VPS26A: variants seen among roughly 807,000 people sequenced by gnomAD.
VPS26A encodes vacuolar protein sorting-associated protein 26A.
In VPS26A, 22 loss-of-function variants were observed where a neutral mutation model predicts 42.4. The observed-to-expected ratio is 0.52, with a 90% CI of 0.37 to 0.74. The LOEUF is 0.74. Among genes scored for constraint, VPS26A ranks in the 30% least tolerant of loss-of-function variants. VPS26A has a pLI of 0.00. For synonymous variants in VPS26A, 110 were observed against 123.5 expected, an observed-to-expected ratio of 0.89 and a Z score of 0.73; for missense variants, 276 against 379.2, an observed-to-expected ratio of 0.73 and a Z score of 2.26.
chr10:69,128,406 T>G (rs1474895384), intron 1 of VPS26A, among the ~76,000 whole-genome samples: 1 of 151,906 alleles, frequency 6.6e-6, no homozygotes, highest in African/African-American at 2.4e-5. Context: ...AAATTTGTTC[T>G]GTTTTTGTAG....
rs181834858 is a variant in VPS26A, at chr10:69,167,041, C to T, written c.727+931C>T. Among the ~76,000 whole-genome samples, 1,049 of 148,372 alleles carry T rather than the reference C, an allele frequency of 7.1e-3. 10 individuals carry two copies. The highest frequency in any genetic ancestry group is 0.025 in the African/African-American group (993 of 40,132). On this transcript the variant is annotated intron_variant, in intron 7 of 8. Transcript: ENST00000263559. ...ACTTGGGAAGCTGAGGCAGGAGAATCGCTTGAACCTGGGAGGCGGAGGTTG... is the reference window on the plus strand; with the variant it reads ...ACTTGGGAAGCTGAGGCAGGAGAATTGCTTGAACCTGGGAGGCGGAGGTTG...
chr10:69,136,039 T>G (rs940064759), intron 2 of VPS26A, among the ~76,000 whole-genome samples: 3 of 152,204 alleles, frequency 2.0e-5, no homozygotes, highest in South Asian at 4.1e-4. Flanking sequence ...TCTTCATACC[T>G]TTCTTTAACT....
In VPS26A at chr10:69,171,469, G is replaced by T; in HGVS notation, c.*200G>T. On this transcript the variant is annotated 3_prime_UTR_variant, in exon 9 of 9. Transcript: ENST00000263559. ...TTCATGTATATACATTTTTAAAAGT[G>T]CTTTCTTTGAAACACTGGAACTTTG... The T allele has an allele frequency of 2.2e-5, 9 of 407,868 alleles. No individual in the cohort carries two copies. Among genetic ancestry groups the T allele is most frequent in the South Asian group, 4.8e-5 (1 of 20,870 alleles). The allele number at this position is 407,868 out of a possible 1,614,324, so 25.3% of individuals were successfully genotyped here. A position where few individuals can be genotyped will look rare whatever the true frequency, so the allele number is the denominator to read the frequency against.
intron 2 of VPS26A, among the ~76,000 whole-genome samples, chr10:69,150,753 C>T (rs1841285788): frequency 6.6e-6 from 1 of 152,096 alleles, no homozygotes; most frequent in Non-Finnish European, 1.5e-5. Flanking sequence ...AATGGAGCAT[C>T]ATGTCTCCAA....
intron 2 of VPS26A, among the ~76,000 whole-genome samples, chr10:69,153,138 C>A (rs184726903): frequency 6.6e-6 from 1 of 150,534 alleles, no homozygotes; most frequent in African/African-American, 2.4e-5. Context: ...CAACCTCCGC[C>A]CCCCGGGTTC....
In VPS26A at chr10:69,166,028, CAT is replaced by C. The variant is rs769197861; in HGVS notation, c.659-13_659-12del. 13 of 1,604,988 alleles carry C rather than the reference CAT, an allele frequency of 8.1e-6. No individual in the cohort carries two copies. The highest frequency in any genetic ancestry group is 1.0e-5 in the Non-Finnish European group (12 of 1,173,602). ...GGAATATTTAAATTAATGTTATTTA[CAT>C]TATTGCACTAGGACCCAGTACCACA... is the stretch of plus-strand genomic sequence containing the variant. On this transcript the variant is annotated splice_polypyrimidine_tract_variant and intron_variant, in intron 6 of 8. Coordinates refer to ENST00000263559, the MANE Select transcript of VPS26A (RefSeq NM_004896.5).
chr10:69,172,610 T>TGG lies in VPS26A; in HGVS notation c.*1341_*1342insGG, dbSNP rs758447308. 0.011 allele frequency: 1,727 copies of TGG among 152,488 alleles called. 10 individuals carry two copies. The highest frequency in any genetic ancestry group is 0.024 in the Middle Eastern group (7 of 294). The allele number at this position is 152,488 out of a possible 1,614,324, so 9.4% of individuals were successfully genotyped here. ...TTGATAAAATGGTCAGGAACCAACT[T>TGG]TACTGGCAAAAGGGTCCATGTACCA... is the stretch of plus-strand genomic sequence containing the variant. On this transcript the variant is annotated 3_prime_UTR_variant, in exon 9 of 9. Transcript: ENST00000263559.
intron 1 of VPS26A, among the ~76,000 whole-genome samples, chr10:69,125,128 G>A (rs1840621812): frequency 6.6e-6 from 1 of 152,196 alleles, no homozygotes; most frequent in Non-Finnish European, 1.5e-5. Flanking sequence ...AGCGCCTACT[G>A]TATGCTCTCC....
chr10:69,148,146 G>T (rs1841205700), intron 2 of VPS26A, among the ~76,000 whole-genome samples: 1 of 152,132 alleles, frequency 6.6e-6, no homozygotes. Flanking sequence ...TCTATTTAAG[G>T]TAAAGAGATA....
At chr10:69,151,283 A>AAAAAAAAAAAAAAAC in intron 2 of VPS26A, among the ~76,000 whole-genome samples, 1 of 122,172 alleles carries the variant, frequency 8.2e-6, no homozygotes, top group South Asian at 2.5e-4. Flanking sequence ...AAAAAAAAAA[A>AAAAAAAAAAAAAAAC]CACACACACA....
rs111305529 is a variant in VPS26A, at chr10:69,159,759, G to A, written c.551+1548G>A. ...CTTAATATCTTCATACACCCAGACA[G>A]TATTCACATTTCCCTAATTGGCTCA... On this transcript the variant is annotated intron_variant, in intron 5 of 8. Transcript: ENST00000263559. Among the ~76,000 whole-genome samples the A allele has an allele frequency of 5.1e-3, 782 of 152,196 alleles. 6 individuals are homozygous for A. The highest frequency in any genetic ancestry group is 0.018 in the African/African-American group (738 of 41,512).
chr10:69,141,339 T>C (rs949440075), intron 2 of VPS26A, among the ~76,000 whole-genome samples: 9 of 152,222 alleles, frequency 5.9e-5, no homozygotes, highest in Admixed American at 4.6e-4. Context: ...GAGGGCCTTA[T>C]TCTGTGCCAT....
chr10:69,143,345 G>T (rs913052671), intron 2 of VPS26A, among the ~76,000 whole-genome samples: 1 of 152,050 alleles, frequency 6.6e-6, no homozygotes, highest in East Asian at 1.9e-4. Context: ...TCCAAACTTG[G>T]CTTTGCACTG....
In VPS26A at chr10:69,124,349, C is replaced by G. The variant is rs1220236476; in HGVS notation, c.3+69C>G. ...CGGAGCGCGCGGCGGGCCGGCCAAC[C>G]GCGGGCCGGGCGTCGCCGGAGGAGG... On this transcript the variant is annotated intron_variant, in intron 1 of 8. Transcript: ENST00000263559. 5.7e-6 allele frequency: 7 copies of G among 1,225,348 alleles called. No individual in the cohort carries two copies. In the South Asian group the frequency reaches 2.9e-4, roughly 51 times the overall value. 75.9% of individuals were successfully genotyped at this position (1,225,348 alleles called of 1,614,324 possible). A position where few individuals can be genotyped will look rare whatever the true frequency, so the allele number is the denominator to read the frequency against.
At chr10:69,161,662 A>G (rs962479516) in intron 5 of VPS26A, 2 of 341,700 alleles carry the variant, frequency 5.9e-6, no homozygotes, top group Non-Finnish European at 1.2e-5. Context: ...AGGCTTACCC[A>G]TTCCCCAGTT....
chr10:69,171,367 AGGC>A lies in VPS26A; in HGVS notation c.*99_*101del. 1.1e-6 allele frequency: 1 copy of A among 925,776 alleles called. No homozygotes were observed. The highest frequency in any genetic ancestry group is 1.7e-6 in the Non-Finnish European group (1 of 596,216). The allele number at this position is 925,776 out of a possible 1,614,324, so 57.3% of individuals were successfully genotyped here. Reference sequence around the variant, plus strand: ...GGTTGCAGCTGGAGGGGGCGGAAAAAGGCCAAAACTCCATATATGTTAGTCTTC... The same window carrying A: ...GGTTGCAGCTGGAGGGGGCGGAAAAACAAAACTCCATATATGTTAGTCTTC... On this transcript the variant is annotated 3_prime_UTR_variant, in exon 9 of 9. Transcript: ENST00000263559.
At chr10:69,163,350 G>C (rs1841605429) in intron 6 of VPS26A, among the ~76,000 whole-genome samples, 2 of 152,164 alleles carry the variant, frequency 1.3e-5, no homozygotes, top group Non-Finnish European at 2.9e-5. Flanking sequence ...GAACTCCTGG[G>C]CTCAAGCTAT....
chr10:69,146,629 G>A (rs1328572071), intron 2 of VPS26A, among the ~76,000 whole-genome samples: 1 of 152,042 alleles, frequency 6.6e-6, no homozygotes, highest in Non-Finnish European at 1.5e-5. Flanking sequence ...CTATGAATTT[G>A]CCTATTTTAG....
In VPS26A at chr10:69,173,279, C is replaced by A. The variant is rs1023904463; in HGVS notation, c.*2010C>A. On this transcript the variant is annotated 3_prime_UTR_variant, in exon 9 of 9. Coordinates refer to ENST00000263559, the MANE Select transcript of VPS26A (RefSeq NM_004896.5). ...TCACCTTAGAAGCTTTTAAAATAACCAGGCCCGGGTCCTACTCTGACCAAT... is the reference window on the plus strand; with the variant it reads ...TCACCTTAGAAGCTTTTAAAATAACAAGGCCCGGGTCCTACTCTGACCAAT... 2.2e-4 allele frequency among the ~76,000 whole-genome samples: 34 copies of A among 152,236 alleles called. No individual in the cohort carries two copies. Among genetic ancestry groups the A allele is most frequent in the African/African-American group, 7.9e-4 (33 of 41,552 alleles).
Sources: gnomAD v4.1 joint callset for allele counts (sites outside exome capture counted in the v4.1 genomes callset) on GRCh38, gnomAD v4.1.1 for gene constraint, MANE v1.5 for transcripts, NCBI Gene and HGNC (gene_info 2026-07-23, HGNC 2026-07-21) for gene names.